Variants in GPSM1 observed in about 807,000 individuals in gnomAD.
GPSM1 encodes the protein G protein signaling modulator 1.
A neutral mutation model predicts 70.5 loss-of-function variants in GPSM1; 48 were observed. That is an observed-to-expected ratio of 0.68 (90% CI 0.54 to 0.87). GPSM1 has a LOEUF of 0.87. GPSM1 is among the 40% of genes least tolerant of loss of function. The pLI, the probability that GPSM1 is intolerant of heterozygous loss-of-function variation, is 0.00. For synonymous variants in GPSM1, 416 were observed against 430.1 expected (o/e 0.97, Z 0.41); for missense variants, 981 against 972.6 (o/e 1.01, Z -0.11).
rs373339173 is a variant in GPSM1 at position 136,358,180 on chromosome 9, C to T, written c.1988C>T (p.Pro663Leu). The change falls in exon 14 of 14, where the codon CCG (proline) becomes CTG (leucine). Residue 663 changes from proline to leucine, a missense_variant. Physicochemically the swap from Pro to Leu is moderately conservative, Grantham distance 98. Transcript: ENST00000440944. ...AGGPEQGAGGPPEPQQQCQPG... is the reference protein window; with the variant it reads ...AGGPEQGAGGLPEPQQQCQPG... ...GGCCCGGAGCAGGGGGCAGGCGGCC[C>T]GCCCGAGCCCCAGCAGCAGTGCCAG... 6.6e-5 allele frequency: 104 copies of T among 1,570,932 alleles called. No individual in the cohort carries two copies. The highest frequency in any genetic ancestry group is 2.2e-4 in the Admixed American group (12 of 53,938).
At chr9:136,353,414 T>C (rs1554772459) in intron 11 of GPSM1, among the ~76,000 whole-genome samples, 1 of 152,110 alleles carries the variant, frequency 6.6e-6, no homozygotes, top group Non-Finnish European at 1.5e-5. Context: ...GGATATGTTC[T>C]ACTGGGACAT....
intron 2 of GPSM1, among the ~76,000 whole-genome samples, chr9:136,335,029 C>G (rs1384144675): frequency 1.3e-5 from 2 of 152,168 alleles, no homozygotes; most frequent in Admixed American, 6.5e-5. Flanking sequence ...CGGCAGGGAG[C>G]TGGGTTTCAG....
chr9:136,353,800 C>T (rs781833789), intron 11 of GPSM1, among the ~76,000 whole-genome samples: 2 of 152,186 alleles, frequency 1.3e-5, no homozygotes, highest in African/African-American at 4.8e-5. Flanking sequence ...CATCATAGCC[C>T]AGGAGCCAGT....
Position 136,340,624 on chromosome 9 carries a change from G to A in GPSM1, c.1084-246G>A, listed in dbSNP as rs534732430. 6.6e-6 allele frequency among the ~76,000 whole-genome samples: 1 copy of A among 152,054 alleles called. No homozygotes were observed. The highest frequency in any genetic ancestry group is 1.9e-4 in the East Asian group (1 of 5,168). On this transcript the variant is annotated intron_variant, in intron 8 of 13. Transcript: ENST00000440944. The surrounding 1 kb of genome is among the most constrained non-coding windows in gnomAD (Gnocchi z 7.3). ...CAGGCCCAACCGCCTGGGACCCCAA[G>A]CATCTCTGGGGTGAACTAGGGGCTG... is the stretch of plus-strand genomic sequence containing the variant.
At chr9:136,352,052 A>G (rs995387882) in intron 11 of GPSM1, among the ~76,000 whole-genome samples, 3 of 147,274 alleles carry the variant, frequency 2.0e-5, no homozygotes, top group African/African-American at 8.0e-5. Context: ...AGCTGATACC[A>G]ATACTGCGCC....
intron 1 of GPSM1, among the ~76,000 whole-genome samples, chr9:136,331,329 C>T (rs1322536082): frequency 6.0e-5 from 9 of 150,004 alleles, no homozygotes; most frequent in Admixed American, 4.6e-4. Context: ...ACAGAGGGCC[C>T]GGCAGACGTG....
At chr9:136,328,983 AGCTGTGAGAGAGTGTGTG>A (rs1554768233) in intron 1 of GPSM1, among the ~76,000 whole-genome samples, 8 of 145,118 alleles carry the variant, frequency 5.5e-5, no homozygotes, top group African/African-American at 2.3e-4. Flanking sequence ...GAGTGTGTGG[AGCTGTGAGAGAGTGTGTG>A]TGTGGAGCTG....
chr9:136,339,663 G>A (rs1832337297), intron 7 of GPSM1, 44 bp from the exon 8 acceptor site: 1 of 1,335,248 alleles, frequency 7.5e-7, no homozygotes, highest in Non-Finnish European at 1.1e-6. Context: ...GCTGGGGGCT[G>A]GCCTGGAGAG....
intron 6 of GPSM1, 135 bp from the exon 7 acceptor site, chr9:136,338,420 T>A: frequency 1.2e-6 from 1 of 808,646 alleles, no homozygotes; most frequent in Middle Eastern, 2.4e-4. Flanking sequence ...AGGGTGGGGA[T>A]GAAGCTGGAC....
intron 10 of GPSM1, among the ~76,000 whole-genome samples, chr9:136,349,209 G>A (rs1832597449): frequency 6.6e-6 from 1 of 152,278 alleles, no homozygotes; most frequent in Non-Finnish European, 1.5e-5. Flanking sequence ...GTGCCTGTCG[G>A]CAGTGGGTGC....
intron 1 of GPSM1, among the ~76,000 whole-genome samples, chr9:136,328,532 T>C (rs1554768197): frequency 2.0e-5 from 3 of 152,144 alleles, no homozygotes; most frequent in Non-Finnish European, 4.4e-5. Flanking sequence ...TATTGTCCTC[T>C]GGACATCCCT....
intron 1 of GPSM1, among the ~76,000 whole-genome samples, chr9:136,332,345 T>A (rs980856209): frequency 3.3e-5 from 5 of 152,202 alleles, no homozygotes; most frequent in African/African-American, 4.8e-5. Flanking sequence ...CGTGCACCCA[T>A]CCCCGACTTT....
In GPSM1 at chr9:136,356,422, G is replaced by T; in HGVS notation, c.1693G>T (p.Asp565Tyr). ...IASSQSRRLD[D>Y]QRASVGSLPG... ...CAGCTCCCAGAGCCGCCGGCTGGAC[G>T]ACCAGCGGGCCAGCGTGGGCAGCCT... The change falls in exon 13 of 14, where the codon GAC becomes TAC. Residue 565 changes from aspartate (D) to tyrosine (Y), a missense_variant. By Grantham distance (160) the Asp-to-Tyr change is radical. Transcript: ENST00000440944. 1 of 1,610,206 alleles carries T rather than the reference G, an allele frequency of 6.2e-7. No individual in the cohort carries two copies. The highest frequency in any genetic ancestry group is 1.1e-5 in the South Asian group (1 of 90,858).
rs1268784519 is a variant in GPSM1, at chr9:136,349,781, C to T, written c.1455+18C>T. The T allele has an allele frequency of 1.3e-6, 2 of 1,551,358 alleles. No homozygotes were observed. The highest frequency in any genetic ancestry group is 2.3e-5 in the East Asian group (1 of 42,694). ...CACGCACGGTAGGCGTCTTTGACGGCAGATCCAGGCCGAGAGGGAGGAGAG... is the reference window on the plus strand; with the variant it reads ...CACGCACGGTAGGCGTCTTTGACGGTAGATCCAGGCCGAGAGGGAGGAGAG... On this transcript the variant is annotated intron_variant, in intron 11 of 13. Transcript: ENST00000440944.
chr9:136,351,459 G>A (rs999399641), intron 11 of GPSM1, among the ~76,000 whole-genome samples: 2 of 152,182 alleles, frequency 1.3e-5, no homozygotes, highest in African/African-American at 2.4e-5. Context: ...CATCTGGGCC[G>A]CCAAGGAAGG....
intron 9 of GPSM1, among the ~76,000 whole-genome samples, chr9:136,344,451 G>C (rs1192225252): frequency 1.3e-5 from 2 of 152,218 alleles, no homozygotes; most frequent in African/African-American, 4.8e-5. Context: ...AGCCTCTTCC[G>C]GGCTGGCAGA....
intron 1 of GPSM1, chr9:136,332,033 G>A (rs528339598): frequency 1.5e-5 from 6 of 398,848 alleles, no homozygotes; most frequent in Admixed American, 4.4e-5. Flanking sequence ...GGGAGGGCCC[G>A]CCTCTGGCCC....
In GPSM1 at chr9:136,341,554, A is replaced by AGGTGCCAGGGGGGT. The variant is rs1832391944; in HGVS notation, c.1207+571_1207+584dup. Reference sequence around the variant, plus strand: ...TCCCCTGCAAAGCGAAAAGACTAATAGGTGCCAGGGGGGTGGTGCCAGGTT... The same window carrying AGGTGCCAGGGGGGT: ...TCCCCTGCAAAGCGAAAAGACTAATAGGTGCCAGGGGGGTGGTGCCAGGGGGGTGGTGCCAGGTT... On this transcript the variant is annotated intron_variant, in intron 9 of 13. Transcript: ENST00000440944. This position sits in a 1 kb window ranked among gnomAD's most constrained non-coding sequence, Gnocchi z 6.7. 9.6e-7 allele frequency: 1 copy of AGGTGCCAGGGGGGT among 1,044,316 alleles called. No homozygotes were observed. The highest frequency in any genetic ancestry group is 1.2e-6 in the Non-Finnish European group (1 of 866,272). 64.7% of individuals were successfully genotyped at this position (1,044,316 alleles called of 1,614,324 possible). A position where few individuals can be genotyped will look rare whatever the true frequency, so the allele number is the denominator to read the frequency against.
chr9:136,336,360 C>A (rs1027432100), intron 3 of GPSM1, among the ~76,000 whole-genome samples: 12 of 152,174 alleles, frequency 7.9e-5, no homozygotes, highest in African/African-American at 2.7e-4. Flanking sequence ...GACCTCCCCC[C>A]GAATCCCTCC....
Sources: gnomAD v4.1 joint callset for allele counts (sites outside exome capture counted in the v4.1 genomes callset) on GRCh38, gnomAD v4.1.1 for gene constraint, Gnocchi (gnomAD v3.1) non-coding constraint, MANE v1.5 for transcripts, NCBI Gene and HGNC (gene_info 2026-07-23, HGNC 2026-07-21) for gene names.